The following TRAIP variants were observed in gnomAD, a reference collection of about 807,000 sequenced individuals.
The protein encoded by TRAIP is E3 ubiquitin-protein ligase TRAIP.
Under a neutral mutation model 65.0 loss-of-function variants are expected in TRAIP, and 37 were observed. That is an observed-to-expected ratio of 0.57 (90% CI 0.44 to 0.75). The LOEUF (loss-of-function observed/expected upper bound fraction) is 0.75. Among genes scored for constraint, TRAIP ranks in the 30% least tolerant of loss-of-function variants. The probability of loss-of-function intolerance (pLI) is 0.00; values close to 1 mark genes in which losing one functional copy is unlikely to be tolerated. For missense variants in TRAIP, 481 were observed against 579.4 expected, an observed-to-expected ratio of 0.83 and a Z score of 1.74; for synonymous variants, 187 against 219.1, an observed-to-expected ratio of 0.85 and a Z score of 1.29.
chr3:49,832,492 G>GAAAAA (rs11450803), intron 10 of TRAIP, among the ~76,000 whole-genome samples: 31 of 128,554 alleles, frequency 2.4e-4, no homozygotes, highest in Admixed American at 4.2e-4. Flanking sequence ...TCCGTCTCAG[G>GAAAAA]AAAAAAAAAA....
Position 49,847,659 on chromosome 3 carries a change from AAGG to A in TRAIP, c.157-54_157-52del, listed in dbSNP as rs1559450963. The A allele has an allele frequency of 5.2e-6, 7 of 1,352,130 alleles. No homozygotes were observed. The East Asian group carries it at 9.2e-5, about 18-fold the overall frequency. 83.8% of individuals were successfully genotyped at this position (1,352,130 alleles called of 1,614,324 possible). ...ATGATTGTGTAGCTGGGTCATGCGCAAGGAGGAGAGTGTTGTACATGGGTCTGA... is the reference window on the plus strand; with the variant it reads ...ATGATTGTGTAGCTGGGTCATGCGCAAGGAGAGTGTTGTACATGGGTCTGA... On this transcript the variant is annotated intron_variant, in intron 2 of 14. Coordinates refer to ENST00000331456, the MANE Select transcript of TRAIP (RefSeq NM_005879.3).
intron 11 of TRAIP, among the ~76,000 whole-genome samples, chr3:49,830,741 G>T (rs1442286756): frequency 6.6e-6 from 1 of 152,232 alleles, no homozygotes. Context: ...TCCCTGGTGG[G>T]TGAGAAGATG....
In TRAIP at chr3:49,856,536, G is replaced by C; in HGVS notation, c.-83C>G. On this transcript the variant is annotated 5_prime_UTR_variant, in exon 1 of 15. Transcript: ENST00000331456. ...TAGACGCGCCCCCGCGCCTCCGCTT[G>C]CTTCAAATTTGGCTCCGCAGCACGA... The C allele has an allele frequency of 7.5e-7, 1 of 1,327,006 alleles. No individual in the cohort carries two copies. The highest frequency in any genetic ancestry group is 1.1e-6 in the Non-Finnish European group (1 of 948,634). The allele number at this position is 1,327,006 out of a possible 1,614,324, so 82.2% of individuals were successfully genotyped here.
intron 10 of TRAIP, among the ~76,000 whole-genome samples, chr3:49,833,576 T>C (rs1270402195): frequency 1.3e-5 from 2 of 150,846 alleles, no homozygotes; most frequent in Non-Finnish European, 2.9e-5. Flanking sequence ...GCCTTCCGGG[T>C]TCAAGCCATT....
Position 49,842,476 on chromosome 3 carries a change from C to T in TRAIP, c.480G>A (p.Arg160=), listed in dbSNP as rs746627433. ...KQAQEEARRL[R]SKMKTMEQIE... ...ACTGCTCCATGGTCTTCATCTTGCTCCTGAGCCGGCGGGCCTCCTCTTGTG... is the reference window on the plus strand; with the variant it reads ...ACTGCTCCATGGTCTTCATCTTGCTTCTGAGCCGGCGGGCCTCCTCTTGTG... Residue 160 remains arginine, a synonymous_variant, in exon 6 of 15, where the codon AGG becomes AGA. Transcript: ENST00000331456. 1.4e-5 allele frequency: 22 copies of T among 1,613,908 alleles called. No individual in the cohort carries two copies. The highest frequency in any genetic ancestry group is 1.9e-5 in the Non-Finnish European group (22 of 1,180,012).
At position 49,829,772 on chromosome 3, in the gene TRAIP, G is replaced by T. The variant is rs773058209; in HGVS notation, c.1087-6C>A. The T allele has an allele frequency of 1.2e-6, 2 of 1,613,934 alleles. No individual in the cohort carries two copies. Among genetic ancestry groups the T allele is most frequent in the Non-Finnish European group, 1.7e-6 (2 of 1,179,906 alleles). On this transcript the variant is annotated splice_polypyrimidine_tract_variant and splice_region_variant and intron_variant, in intron 12 of 14. Transcript: ENST00000331456. ...CCCAGTGAGAGCTGGGACTCCTGCA[G>T]GGAAGACCCCAGGGCCAGACTTGAT...
rs1345306554 is a variant in TRAIP, at chr3:49,828,907, C to A, written c.*196G>T. 3.0e-6 allele frequency: 2 copies of A among 676,822 alleles called. No homozygotes were observed. Among genetic ancestry groups the A allele is most frequent in the African/African-American group, 1.8e-5 (1 of 55,728 alleles). 41.9% of individuals were successfully genotyped at this position (676,822 alleles called of 1,614,324 possible). Reference sequence around the variant, plus strand: ...GATCAGTGGGCTGGTCATGTCAGCTCCCAGTCGTAGGAGTGGGGCAGGGTG... The same window carrying A: ...GATCAGTGGGCTGGTCATGTCAGCTACCAGTCGTAGGAGTGGGGCAGGGTG... On this transcript the variant is annotated 3_prime_UTR_variant, in exon 15 of 15. Coordinates refer to ENST00000331456, the MANE Select transcript of TRAIP (RefSeq NM_005879.3).
chr3:49,840,043 T>A (rs1263510919), intron 9 of TRAIP, among the ~76,000 whole-genome samples, 183 bp from the exon 10 acceptor site: 1 of 152,184 alleles, frequency 6.6e-6, no homozygotes, highest in African/African-American at 2.4e-5. Flanking sequence ...ATAAGGGACC[T>A]CAGGGATGTA....
intron 1 of TRAIP, among the ~76,000 whole-genome samples, chr3:49,853,397 G>A (rs953303265): frequency 2.6e-5 from 4 of 152,082 alleles, no homozygotes; most frequent in African/African-American, 9.7e-5. Flanking sequence ...TTTAGGCCAG[G>A]AGTTTGAGAC....
At chr3:49,829,978 C>A in intron 12 of TRAIP, 42 bp downstream of exon 12, 1 of 1,613,472 alleles carries the variant, frequency 6.2e-7, no homozygotes, top group Non-Finnish European at 8.5e-7. Context: ...AAAGTCCAGT[C>A]CTGCCAAAGG....
chr3:49,847,683 T>C (rs918412499), intron 2 of TRAIP, 75 bp from the exon 3 acceptor site: 6 of 964,570 alleles, frequency 6.2e-6, no homozygotes, highest in African/African-American at 1.6e-5. Flanking sequence ...TGTACATGGG[T>C]CTGACTACCT....
intron 6 of TRAIP, among the ~76,000 whole-genome samples, chr3:49,842,159 G>A (rs1218713588): frequency 6.6e-6 from 1 of 152,188 alleles, no homozygotes; most frequent in African/African-American, 2.4e-5. Flanking sequence ...AGGGTCTCAA[G>A]GTCAGGGATT....
chr3:49,852,840 G>A (rs528003682), intron 1 of TRAIP, among the ~76,000 whole-genome samples: 93 of 152,120 alleles, frequency 6.1e-4, no homozygotes, highest in African/African-American at 1.5e-3. Flanking sequence ...AAAGAAATTC[G>A]GCCAGGCACA....
intron 10 of TRAIP, 185 bp downstream of exon 10, chr3:49,839,587 G>A (rs758706879): frequency 1.6e-5 from 10 of 610,414 alleles, no homozygotes; most frequent in South Asian, 3.9e-5. Flanking sequence ...TGGCCTCTCC[G>A]TGTCAGAGCC....
chr3:49,852,354 G>A (rs913652101), intron 1 of TRAIP, among the ~76,000 whole-genome samples: 3 of 151,596 alleles, frequency 2.0e-5, no homozygotes, highest in Non-Finnish European at 4.4e-5. Flanking sequence ...GTGACAGAGC[G>A]AGACTCTACC....
At chr3:49,831,852 C>A in intron 11 of TRAIP, 64 bp downstream of exon 11, 1 of 1,445,444 alleles carries the variant, frequency 6.9e-7, no homozygotes, top group South Asian at 1.5e-5. Context: ...CAGCACAGGG[C>A]CTGCAGAGCT....
intron 3 of TRAIP, among the ~76,000 whole-genome samples, chr3:49,846,811 G>A (rs1345460057): frequency 1.3e-5 from 2 of 152,172 alleles, no homozygotes; most frequent in South Asian, 2.1e-4. Flanking sequence ...GGCCAAGGTG[G>A]GAGGATTGCT....
chr3:49,852,112 T>TA (rs1474614667), intron 1 of TRAIP, among the ~76,000 whole-genome samples: 1 of 151,138 alleles, frequency 6.6e-6, no homozygotes, highest in Non-Finnish European at 1.5e-5. Context: ...CTCACGCCTG[T>TA]AATCCCAGCA....
rs188237333 is a variant in TRAIP, at chr3:49,837,601, T to G, written c.884+2171A>C. The stretch of plus-strand genomic sequence containing the variant: ...ACCGTAATTTTTTTTTGTTTTTGCT[T>G]GAGACGGAGTCTCTCTGTCACCCAG... On this transcript the variant is annotated intron_variant, in intron 10 of 14. Coordinates refer to ENST00000331456, the MANE Select transcript of TRAIP (RefSeq NM_005879.3). Among the ~76,000 whole-genome samples, 4 of 152,236 alleles carry G rather than the reference T, an allele frequency of 2.6e-5. No individual in the cohort carries two copies. In the East Asian group the frequency reaches 5.8e-4, roughly 22 times the overall value.
Sources: gnomAD v4.1 joint callset for allele counts (sites outside exome capture counted in the v4.1 genomes callset) on GRCh38, gnomAD v4.1.1 for gene constraint, MANE v1.5 for transcripts, NCBI Gene and HGNC (gene_info 2026-07-23, HGNC 2026-07-21) for gene names.